The following MKLN1 variants were observed in gnomAD, a reference collection of about 807,000 sequenced individuals.
MKLN1 encodes muskelin 1, also known as muskelin.
MKLN1 carries 18 observed loss-of-function variants against 99.0 expected under a neutral mutation model. The ratio of observed to expected loss-of-function variants is 0.18; its 90% CI spans 0.13 to 0.27. The LOEUF is 0.27. Among genes scored for constraint, MKLN1 ranks in the 10% least tolerant of loss-of-function variants. MKLN1 has a pLI of 1.00. For missense variants in MKLN1, 621 were observed against 875.9 expected, an observed-to-expected ratio of 0.71 and a Z score of 3.67; for synonymous variants, 288 against 293.2, an observed-to-expected ratio of 0.98 and a Z score of 0.18.
intron 2 of MKLN1, among the ~76,000 whole-genome samples, chr7:131,178,575 T>C (rs904529752): frequency 2.6e-5 from 4 of 152,226 alleles, no homozygotes; most frequent in Admixed American, 6.5e-5. Context: ...TAGCAATCTT[T>C]GCCACAGTCT....
chr7:131,285,521 T>A (rs564120593), intron 3 of MKLN1, among the ~76,000 whole-genome samples: 75 of 152,378 alleles, frequency 4.9e-4, no homozygotes, highest in Non-Finnish European at 1.0e-3. Flanking sequence ...GTAATTGGAC[T>A]TGCCGAAAGT....
Position 131,493,134 on chromosome 7 carries a change from G to A in MKLN1, c.*5406G>A, listed in dbSNP as rs969613312. 6.6e-6 allele frequency: 1 copy of A among 152,022 alleles called. No homozygotes were observed. The highest frequency in any genetic ancestry group is 1.5e-5 in the Non-Finnish European group (1 of 67,976). 9.4% of individuals were successfully genotyped at this position (152,022 alleles called of 1,614,324 possible). On this transcript the variant is annotated 3_prime_UTR_variant, in exon 18 of 18. Coordinates refer to ENST00000352689, the MANE Select transcript of MKLN1 (RefSeq NM_013255.5). ...TTGTCTGAAAGCTGTAGGATCAATG[G>A]CAAAAAAGGGGAAATGTTTGGTAGG...
chr7:131,466,854 A>G (rs1279433514), intron 15 of MKLN1, among the ~76,000 whole-genome samples: 1 of 152,188 alleles, frequency 6.6e-6, no homozygotes, highest in African/African-American at 2.4e-5. Flanking sequence ...TGTCACCTTT[A>G]TTATTAAATT....
intron 1 of MKLN1, among the ~76,000 whole-genome samples, chr7:131,341,720 T>C (rs896468223): frequency 1.3e-5 from 2 of 152,212 alleles, no homozygotes; most frequent in East Asian, 1.9e-4. Flanking sequence ...TAGATTCTTA[T>C]AAGGAACAAA....
At chr7:131,461,273 C>T (rs545676356) in intron 12 of MKLN1, among the ~76,000 whole-genome samples, 2 of 146,604 alleles carry the variant, frequency 1.4e-5, no homozygotes, top group East Asian at 2.0e-4. Flanking sequence ...TTTTTTAATA[C>T]TTTAAATTTG....
At chr7:131,222,537 A>G (rs926482060) in intron 3 of MKLN1, among the ~76,000 whole-genome samples, 4 of 152,170 alleles carry the variant, frequency 2.6e-5, no homozygotes, top group African/African-American at 4.8e-5. Flanking sequence ...CCCCTAAGGT[A>G]TAACACTCTC....
chr7:131,237,884 G>C (rs970236879), intron 3 of MKLN1, among the ~76,000 whole-genome samples: 3 of 152,126 alleles, frequency 2.0e-5, no homozygotes, highest in African/African-American at 7.2e-5. Context: ...TGGTAGCTCA[G>C]ATCTATAATT....
In MKLN1 at chr7:131,204,569, C is replaced by T. The variant is rs889151581; in HGVS notation, c.-179+1595C>T. ...AAGTTAGGCCGGGTGCGGTGGCTCACGCCTGTAATCCCAGCACATTGGGAG... is the reference window on the plus strand; with the variant it reads ...AAGTTAGGCCGGGTGCGGTGGCTCATGCCTGTAATCCCAGCACATTGGGAG... On this transcript the variant is annotated intron_variant, in intron 3 of 7. Coordinates refer to the MKLN1 transcript ENST00000416992. Among the ~76,000 whole-genome samples, 8 of 151,348 alleles carry T rather than the reference C, an allele frequency of 5.3e-5. No individual in the cohort carries two copies. The East Asian group carries it at 1.2e-3, about 22-fold the overall frequency.
chr7:131,331,951 A>G (rs1005462280), intron 1 of MKLN1, among the ~76,000 whole-genome samples: 2 of 152,186 alleles, frequency 1.3e-5, no homozygotes, highest in African/African-American at 4.8e-5. Flanking sequence ...AAAATCTGAT[A>G]GATTTTTAAG....
chr7:131,385,547 T>C (rs988561795), intron 2 of MKLN1, among the ~76,000 whole-genome samples: 1 of 152,186 alleles, frequency 6.6e-6, no homozygotes, highest in African/African-American at 2.4e-5. Flanking sequence ...TTTAAAATTA[T>C]TATTATTATT....
chr7:131,493,246 T>G lies in MKLN1; in HGVS notation c.*5518T>G, dbSNP rs897268089. ...CTTTTCAGACAGCCTCAGTGAACTATTAAACATTTGTGTGCAAAGTCCTAT... is the reference window on the plus strand; with the variant it reads ...CTTTTCAGACAGCCTCAGTGAACTAGTAAACATTTGTGTGCAAAGTCCTAT... On this transcript the variant is annotated 3_prime_UTR_variant, in exon 18 of 18. Coordinates refer to ENST00000352689, the MANE Select transcript of MKLN1 (RefSeq NM_013255.5). 5 of 152,150 alleles carry G rather than the reference T, an allele frequency of 3.3e-5. No homozygotes were observed. The highest frequency in any genetic ancestry group is 1.2e-4 in the African/African-American group (5 of 41,440). 9.4% of individuals were successfully genotyped at this position (152,150 alleles called of 1,614,324 possible).
upstream of MKLN1, among the ~76,000 whole-genome samples, chr7:131,325,170 C>A (rs1021532316): frequency 6.6e-6 from 1 of 151,798 alleles, no homozygotes; most frequent in African/African-American, 2.4e-5. Context: ...ACTGAGGATA[C>A]AACTGTGAAC....
chr7:131,143,850 A>AAAATAG (rs1795777267), intron 2 of MKLN1, among the ~76,000 whole-genome samples: 1 of 152,146 alleles, frequency 6.6e-6, no homozygotes, highest in Non-Finnish European at 1.5e-5. Context: ...AATAAAAATA[A>AAAATAG]AAGTGGATTT....
chr7:131,274,814 C>T (rs779942039), intron 3 of MKLN1, among the ~76,000 whole-genome samples: 2 of 152,062 alleles, frequency 1.3e-5, no homozygotes, highest in Non-Finnish European at 2.9e-5. Flanking sequence ...GCCTCAGTTT[C>T]CTGCTATGTG....
intron 2 of MKLN1, among the ~76,000 whole-genome samples, chr7:131,155,813 A>G (rs1476444389): frequency 1.3e-5 from 2 of 152,270 alleles, no homozygotes; most frequent in East Asian, 1.9e-4. Context: ...CAAAAACCCA[A>G]ACTGATATGG....
At chr7:131,175,853 T>C (rs1796290919) in intron 2 of MKLN1, among the ~76,000 whole-genome samples, 1 of 152,076 alleles carries the variant, frequency 6.6e-6, no homozygotes, top group Admixed American at 6.6e-5. Context: ...TGAGCCAAGA[T>C]TGCACCATTG....
intron 3 of MKLN1, among the ~76,000 whole-genome samples, chr7:131,229,742 T>C (rs1039704949): frequency 2.6e-5 from 4 of 151,938 alleles, no homozygotes; most frequent in African/African-American, 9.7e-5. Context: ...TTCGTAGTAA[T>C]GGGGTCTTGC....
At chr7:131,167,197 G>A (rs1563238217) in intron 2 of MKLN1, among the ~76,000 whole-genome samples, 1 of 151,996 alleles carries the variant, frequency 6.6e-6, no homozygotes, top group East Asian at 1.9e-4. Flanking sequence ...TGTTTTCAAG[G>A]GTATGATGAG....
At chr7:131,408,230 T>C (rs879732763) in intron 6 of MKLN1, among the ~76,000 whole-genome samples, 49 of 152,296 alleles carry the variant, frequency 3.2e-4, no homozygotes, top group Admixed American at 1.7e-3. Context: ...AAATATTTAC[T>C]AGTTCAGTGT....
Sources: allele counts gnomAD v4.1 joint callset (sites outside exome capture counted in the v4.1 genomes callset), GRCh38; gene constraint gnomAD v4.1.1; transcripts MANE v1.5; gene names NCBI Gene and HGNC (gene_info 2026-07-23, HGNC 2026-07-21).